The following KCNK13 variants were observed in gnomAD, a reference collection of about 807,000 sequenced individuals.
KCNK13 encodes potassium two pore domain channel subfamily K member 13, also known as potassium channel subfamily K member 13.
KCNK13 carries 12 observed loss-of-function variants against 23.4 expected under a neutral mutation model. That is an observed-to-expected ratio of 0.51 (90% confidence interval 0.33 to 0.83). The LOEUF (loss-of-function observed/expected upper bound fraction) is 0.83, where lower values mean the gene tolerates loss of function less well. Among genes scored for constraint, KCNK13 ranks in the 40% least tolerant of loss-of-function variants. The probability of loss-of-function intolerance (pLI) is 0.02; values close to 1 mark genes in which losing one functional copy is unlikely to be tolerated. For missense variants in KCNK13, 463 were observed against 556.3 expected (o/e 0.83, Z 1.69); for synonymous variants, 231 against 229.5 (o/e 1.01, Z -0.06).
chr14:90,106,849 C>A (rs937535637), intron 1 of KCNK13, among the ~76,000 whole-genome samples: 4 of 151,752 alleles, frequency 2.6e-5, no homozygotes, highest in African/African-American at 9.7e-5. Context: ...TGGCGAAACC[C>A]CGTCTCTACT....
intron 1 of KCNK13, among the ~76,000 whole-genome samples, chr14:90,067,234 A>G (rs1179606961): frequency 6.6e-6 from 1 of 152,198 alleles, no homozygotes; most frequent in Non-Finnish European, 1.5e-5. Flanking sequence ...GCGCCAATGC[A>G]CTCCAGCCTG....
chr14:90,139,444 G>T (rs115321247), intron 1 of KCNK13, among the ~76,000 whole-genome samples: 129 of 145,420 alleles, frequency 8.9e-4, no homozygotes, highest in African/African-American at 3.0e-3. Flanking sequence ...ATGAAATGGG[G>T]CTGGGGGTGA....
chr14:90,145,634 G>C (rs1596798006), intron 1 of KCNK13, among the ~76,000 whole-genome samples: 1 of 151,994 alleles, frequency 6.6e-6, no homozygotes, highest in South Asian at 2.1e-4. Context: ...TTTTCTTTAA[G>C]TTTGGATAGA....
intron 1 of KCNK13, among the ~76,000 whole-genome samples, chr14:90,101,985 G>A (rs531851844): frequency 1.3e-5 from 2 of 151,642 alleles, no homozygotes; most frequent in South Asian, 4.2e-4. Flanking sequence ...CCAGGTTCAA[G>A]CGATTCTCCT....
intron 1 of KCNK13, among the ~76,000 whole-genome samples, chr14:90,151,157 T>C (rs1187357767): frequency 6.6e-6 from 1 of 152,172 alleles, no homozygotes; most frequent in Non-Finnish European, 1.5e-5. Flanking sequence ...TAAATGTCTT[T>C]TCTTTATAAA....
At chr14:90,112,952 C>T (rs1462176098) in intron 1 of KCNK13, among the ~76,000 whole-genome samples, 5 of 145,650 alleles carry the variant, frequency 3.4e-5, no homozygotes, top group East Asian at 4.0e-4. Flanking sequence ...CTTGCTCTGT[C>T]GCCCAGGGTG....
intron 1 of KCNK13, among the ~76,000 whole-genome samples, chr14:90,177,986 G>A (rs185704308): frequency 9.5e-4 from 145 of 152,160 alleles, no homozygotes; most frequent in African/African-American, 3.1e-3. Flanking sequence ...TATGTCAGGC[G>A]TGACTCATGC....
intron 1 of KCNK13, among the ~76,000 whole-genome samples, chr14:90,102,705 T>C (rs1301796790): frequency 6.6e-6 from 1 of 152,234 alleles, no homozygotes; most frequent in African/African-American, 2.4e-5. Flanking sequence ...ACACTGACTT[T>C]CTGTCTCCCT....
rs139112374 is a variant in KCNK13 at position 90,184,766 on chromosome 14, C to G, written c.990C>G (p.Asp330Glu). 8 of 1,613,608 alleles carry G rather than the reference C, an allele frequency of 5.0e-6. No homozygotes were observed. The South Asian group carries it at 8.8e-5, about 18-fold the overall frequency. The change falls in exon 2 of 2, where the codon GAC becomes GAG. Residue 330 changes from aspartate to glutamate, a missense_variant. Physicochemically the swap from Asp to Glu is conservative, Grantham distance 45. Transcript: ENST00000282146. This position sits in a 1 kb window ranked among gnomAD's most constrained non-coding sequence, Gnocchi z 5.6. The stretch of plus-strand genomic sequence containing the variant: ...GCTGCAACATCTCCATAGAGACAGA[C>G]GGGGTGGCAGAGAGTGACACGGACG... ...RNRCNISIET[D>E]GVAESDTDGR...
intron 1 of KCNK13, among the ~76,000 whole-genome samples, chr14:90,141,911 T>C (rs957182688): frequency 2.6e-5 from 4 of 151,914 alleles, no homozygotes; most frequent in African/African-American, 9.7e-5. Flanking sequence ...GCCTCCCAAG[T>C]AGCTGGGACT....
chr14:90,086,225 C>G (rs1596771180), intron 1 of KCNK13, among the ~76,000 whole-genome samples: 1 of 152,188 alleles, frequency 6.6e-6, no homozygotes. Flanking sequence ...TTGCAATAAT[C>G]TTATTCTCAC....
At chr14:90,084,004 TG>T (rs1193444170) in intron 1 of KCNK13, among the ~76,000 whole-genome samples, 1 of 152,250 alleles carries the variant, frequency 6.6e-6, no homozygotes, top group Non-Finnish European at 1.5e-5. Flanking sequence ...AATTGACATC[TG>T]GACTCTCAAT....
In KCNK13 at chr14:90,162,723, G is replaced by A. The variant is rs528484852; in HGVS notation, c.335-21388G>A. On this transcript the variant is annotated intron_variant, in intron 1 of 1. Coordinates refer to ENST00000282146, the MANE Select transcript of KCNK13 (RefSeq NM_022054.4). ...AATATTCCTAGGGTAAGGAAGGAAA[G>A]ACTTTACTCTCTGTGACCCCAAAAG... Among the ~76,000 whole-genome samples the A allele has an allele frequency of 6.6e-5, 10 of 152,262 alleles. No individual in the cohort carries two copies. The South Asian group carries it at 2.1e-3, about 32-fold the overall frequency.
At chr14:90,114,539 G>A (rs1440043246) in intron 1 of KCNK13, among the ~76,000 whole-genome samples, 1 of 152,210 alleles carries the variant, frequency 6.6e-6, no homozygotes, top group Non-Finnish European at 1.5e-5. Flanking sequence ...TCCTGGGAAA[G>A]CCCGGTTAAG....
At chr14:90,143,296 C>T (rs1890036734) in intron 1 of KCNK13, among the ~76,000 whole-genome samples, 1 of 151,220 alleles carries the variant, frequency 6.6e-6, no homozygotes, top group African/African-American at 2.4e-5. Context: ...CAACCTCTGC[C>T]TCCTGGGCTC....
chr14:90,142,629 A>G (rs1890023152), intron 1 of KCNK13, among the ~76,000 whole-genome samples: 1 of 152,136 alleles, frequency 6.6e-6, no homozygotes, highest in South Asian at 2.1e-4. Flanking sequence ...TGGCTGTCCA[A>G]TTCTTTAAGC....
intron 1 of KCNK13, among the ~76,000 whole-genome samples, chr14:90,142,310 A>G (rs1366685897): frequency 1.9e-5 from 2 of 103,366 alleles, no homozygotes; most frequent in African/African-American, 7.0e-5. Flanking sequence ...TGGCTGTCCA[A>G]TTCTTTTTTT....
At chr14:90,166,010 T>G (rs1413794874) in intron 1 of KCNK13, among the ~76,000 whole-genome samples, 6 of 152,262 alleles carry the variant, frequency 3.9e-5, no homozygotes, top group African/African-American at 1.4e-4. Flanking sequence ...TGCAGATGAT[T>G]TAAAGAGTCT....
At chr14:90,107,262 G>A (rs892973007) in intron 1 of KCNK13, among the ~76,000 whole-genome samples, 10 of 152,102 alleles carry the variant, frequency 6.6e-5, no homozygotes, top group East Asian at 3.9e-4. Context: ...GGCAGATCAC[G>A]AGGTCAGGAG....
Sources: gnomAD v4.1 joint callset for allele counts (sites outside exome capture counted in the v4.1 genomes callset) on GRCh38, gnomAD v4.1.1 for gene constraint, Gnocchi (gnomAD v3.1) non-coding constraint, MANE v1.5 for transcripts, NCBI Gene and HGNC (gene_info 2026-07-23, HGNC 2026-07-21) for gene names.